AGPS: variants seen among roughly 807,000 people sequenced by gnomAD.
The protein encoded by AGPS is alkyldihydroxyacetonephosphate synthase, peroxisomal.
In AGPS, 26 loss-of-function variants were observed where a neutral mutation model predicts 90.7. The ratio of observed to expected loss-of-function variants is 0.29; its 90% CI spans 0.21 to 0.40. The LOEUF (loss-of-function observed/expected upper bound fraction) is 0.40, where lower values mean the gene tolerates loss of function less well. Ranked by LOEUF, AGPS falls within the 10% of genes least tolerant of loss-of-function variation. The pLI is 1.00. For missense variants in AGPS, 540 were observed against 816.1 expected (o/e 0.66, Z 4.12); for synonymous variants, 294 against 285.3 (o/e 1.03, Z -0.31).
intron 10 of AGPS, among the ~76,000 whole-genome samples, chr2:177,470,888 A>C (rs760099791): frequency 7.9e-5 from 12 of 152,124 alleles, no homozygotes; most frequent in Non-Finnish European, 8.8e-5. Context: ...TTATATTTCC[A>C]TGACTTTGTA....
chr2:177,522,125 C>T (rs1689212551), intron 18 of AGPS, among the ~76,000 whole-genome samples: 1 of 151,924 alleles, frequency 6.6e-6, no homozygotes, highest in South Asian at 2.1e-4. Flanking sequence ...GTACAGTAAG[C>T]TGTATATATT....
At chr2:177,424,036 G>A (rs745415624) in intron 2 of AGPS, among the ~76,000 whole-genome samples, 13 of 152,044 alleles carry the variant, frequency 8.6e-5, no homozygotes, top group Non-Finnish European at 1.6e-4. Context: ...TTGCTGCACA[G>A]ATCAACCCAT....
Position 177,542,385 on chromosome 2 carries a change from G to A in AGPS, c.*4190G>A, listed in dbSNP as rs1396264118. On this transcript the variant is annotated 3_prime_UTR_variant, in exon 20 of 20. Transcript: ENST00000264167. ...AGATCCTCAAAGAGTGAGCACTCTTGTGCTCTTCTAATCATAATTAATTCC... is the reference window on the plus strand; with the variant it reads ...AGATCCTCAAAGAGTGAGCACTCTTATGCTCTTCTAATCATAATTAATTCC... 1 of 152,100 alleles carries A rather than the reference G, an allele frequency of 6.6e-6. No individual in the cohort carries two copies. The highest frequency in any genetic ancestry group is 1.9e-4 in the East Asian group (1 of 5,184). 9.4% of individuals were successfully genotyped at this position (152,100 alleles called of 1,614,324 possible).
intron 1 of AGPS, among the ~76,000 whole-genome samples, chr2:177,403,759 G>A (rs752381251): frequency 6.6e-6 from 1 of 152,154 alleles, no homozygotes; most frequent in Non-Finnish European, 1.5e-5. Context: ...TTCACTCACT[G>A]TCTTGTGTAT....
chr2:177,536,111 A>G (rs2079181626), intron 19 of AGPS, among the ~76,000 whole-genome samples: 1 of 152,126 alleles, frequency 6.6e-6, no homozygotes, highest in Middle Eastern at 3.2e-3. Flanking sequence ...TTCTCAGACG[A>G]TGGTTCAGTT....
chr2:177,480,491 C>T (rs888159740), intron 10 of AGPS, among the ~76,000 whole-genome samples: 2 of 152,138 alleles, frequency 1.3e-5, no homozygotes, highest in African/African-American at 2.4e-5. Context: ...AAAAGCCAAA[C>T]ACCACATGTT....
At chr2:177,449,627 A>G (rs1318993509) in intron 8 of AGPS, among the ~76,000 whole-genome samples, 1 of 152,004 alleles carries the variant, frequency 6.6e-6, no homozygotes, top group Non-Finnish European at 1.5e-5. Context: ...ATTTTTTGCC[A>G]TGTTGCCCAG....
chr2:177,454,742 C>T (rs1411537822), intron 8 of AGPS, among the ~76,000 whole-genome samples: 2 of 152,014 alleles, frequency 1.3e-5, no homozygotes, highest in Admixed American at 6.6e-5. Flanking sequence ...ACAGTTGATC[C>T]TCTAGTTCTT....
intron 5 of AGPS, among the ~76,000 whole-genome samples, chr2:177,437,748 A>G (rs1184102445): frequency 6.6e-6 from 1 of 152,054 alleles, no homozygotes; most frequent in Non-Finnish European, 1.5e-5. Context: ...CTTCCTTTTC[A>G]GAGTGTATAT....
At position 177,543,690 on chromosome 2, in the gene AGPS, T is replaced by G. The variant is rs1271694341; in HGVS notation, c.*5495T>G. ...GAGCCATACTGTTTTCCACAAGGGC[T>G]CAACACATAGTCAGTATTCCGTGCT... On this transcript the variant is annotated 3_prime_UTR_variant, in exon 20 of 20. Coordinates refer to ENST00000264167, the MANE Select transcript of AGPS (RefSeq NM_003659.4). The G allele has an allele frequency of 6.6e-6, 1 of 152,248 alleles. No homozygotes were observed. The highest frequency in any genetic ancestry group is 1.9e-4 in the East Asian group (1 of 5,202). 9.4% of individuals were successfully genotyped at this position (152,248 alleles called of 1,614,324 possible).
intron 19 of AGPS, among the ~76,000 whole-genome samples, chr2:177,535,794 A>C (rs1574040517): frequency 2.0e-5 from 3 of 152,146 alleles, no homozygotes; most frequent in South Asian, 4.1e-4. Context: ...CCCCATTTCA[A>C]ATTCTGTTAT....
In AGPS at chr2:177,436,837, A is replaced by G. The variant is rs1398412457; in HGVS notation, c.515A>G (p.Asn172Ser). The G allele has an allele frequency of 1.2e-6, 2 of 1,612,308 alleles. No homozygotes were observed. Among genetic ancestry groups the G allele is most frequent in the Non-Finnish European group, 1.7e-6 (2 of 1,178,664 alleles). The change falls in exon 4 of 20, where the codon AAT becomes AGT. Residue 172 changes from asparagine (N) to serine (S), a missense_variant. By Grantham distance (46) the Asn-to-Ser change is conservative. Transcript: ENST00000264167. Reference protein sequence around the residue: ...EDFLHDLKETNISYSQEADDR... With the variant: ...EDFLHDLKETSISYSQEADDR... ...TTTCTTCATGACCTTAAAGAAACTA[A>G]TATTTCATATTCACAAGAGGCAGAT... is the stretch of plus-strand genomic sequence containing the variant.
intron 10 of AGPS, among the ~76,000 whole-genome samples, chr2:177,477,463 T>G (rs1029850500): frequency 2.0e-5 from 3 of 152,116 alleles, no homozygotes; most frequent in East Asian, 3.9e-4. Flanking sequence ...AAATCCAAAA[T>G]GCTCCAAAAT....
chr2:177,530,199 A>G (rs59086514), intron 19 of AGPS, among the ~76,000 whole-genome samples: 3,847 of 152,330 alleles, frequency 0.025, 84 homozygotes, highest in African/African-American at 0.055. Flanking sequence ...ATCTCACCCT[A>G]TAGGAAAGTT....
At chr2:177,461,125 C>G (rs1687281329) in intron 8 of AGPS, among the ~76,000 whole-genome samples, 1 of 152,172 alleles carries the variant, frequency 6.6e-6, no homozygotes, top group African/African-American at 2.4e-5. Context: ...GTGTAGCAGA[C>G]AGCGGGTATG....
At chr2:177,526,124 C>T (rs566932479) in intron 19 of AGPS, among the ~76,000 whole-genome samples, 51 of 151,666 alleles carry the variant, frequency 3.4e-4, no homozygotes, top group African/African-American at 1.1e-3. Flanking sequence ...AATCAATTCA[C>T]AGAAATAAAA....
chr2:177,426,860 G>A (rs1450277255), intron 2 of AGPS, among the ~76,000 whole-genome samples: 1 of 152,026 alleles, frequency 6.6e-6, no homozygotes, highest in Non-Finnish European at 1.5e-5. Flanking sequence ...GCCAGGTTTT[G>A]GTATCAAAAT....
At chr2:177,419,963 A>G (rs1023695808) in intron 1 of AGPS, among the ~76,000 whole-genome samples, 3 of 151,870 alleles carry the variant, frequency 2.0e-5, no homozygotes, top group Non-Finnish European at 4.4e-5. Context: ...AATAACATGT[A>G]CAAAATGAGA....
chr2:177,434,421 A>G lies in AGPS; in HGVS notation c.441+4A>G. The stretch of plus-strand genomic sequence containing the variant: ...GGAGCATAAAACTACCTCTAAAGTA[A>G]GCAAACAAAAATTATTACTAACTCA... On this transcript the variant is annotated splice_donor_region_variant and intron_variant, in intron 3 of 19. Transcript: ENST00000264167. The G allele has an allele frequency of 6.3e-7, 1 of 1,598,456 alleles. No individual in the cohort carries two copies. Among genetic ancestry groups the G allele is most frequent in the Non-Finnish European group, 8.6e-7 (1 of 1,167,054 alleles).
Sources: gnomAD v4.1 joint callset for allele counts (sites outside exome capture counted in the v4.1 genomes callset) on GRCh38, gnomAD v4.1.1 for gene constraint, MANE v1.5 for transcripts, NCBI Gene and HGNC (gene_info 2026-07-23, HGNC 2026-07-21) for gene names.